VAPA: variants seen among roughly 807,000 people sequenced by gnomAD.
The protein encoded by VAPA is VAMP associated protein A, also known as vesicle-associated membrane protein-associated protein A.
A neutral mutation model predicts 25.6 loss-of-function variants in VAPA; 6 were observed. The ratio of observed to expected loss-of-function variants is 0.23; its 90% CI spans 0.13 to 0.46. The LOEUF (loss-of-function observed/expected upper bound fraction) is 0.46. Among genes scored for constraint, VAPA ranks in the 20% least tolerant of loss-of-function variants. The pLI, the probability that VAPA is intolerant of heterozygous loss-of-function variation, is 0.99. For missense variants in VAPA, 244 were observed against 302.1 expected, an observed-to-expected ratio of 0.81 and a Z score of 1.43; for synonymous variants, 112 against 106.2, an observed-to-expected ratio of 1.05 and a Z score of -0.34.
At chr18:9,921,604 C>T (rs1482173381) in intron 1 of VAPA, among the ~76,000 whole-genome samples, 2 of 152,150 alleles carry the variant, frequency 1.3e-5, no homozygotes, top group East Asian at 3.8e-4. Context: ...TATGCATCAT[C>T]TCAACATAGT....
intron 4 of VAPA, chr18:9,949,649 T>C (rs537946735): frequency 6.6e-6 from 1 of 152,362 alleles, no homozygotes; most frequent in Admixed American, 6.5e-5. Context: ...CTAATACTGC[T>C]ACGATGTGTG....
At chr18:9,952,269 G>A (rs753736611) in intron 5 of VAPA, among the ~76,000 whole-genome samples, 2 of 152,066 alleles carry the variant, frequency 1.3e-5, no homozygotes, top group Non-Finnish European at 2.9e-5. Flanking sequence ...TGCTGGAAAA[G>A]TAAAACAAAA....
chr18:9,921,411 T>C (rs1276127057), intron 1 of VAPA, among the ~76,000 whole-genome samples: 1 of 152,140 alleles, frequency 6.6e-6, no homozygotes, highest in African/African-American at 2.4e-5. Flanking sequence ...TATATGACAA[T>C]TGAGTACAAA....
At chr18:9,950,750 C>T (rs2069481732) in intron 5 of VAPA, 182 bp downstream of exon 5, 4 of 583,172 alleles carry the variant, frequency 6.9e-6, no homozygotes, top group Non-Finnish European at 1.2e-5. Flanking sequence ...TTTCTCATTG[C>T]TGCAAGTTCC....
rs748368386 is a variant in VAPA, at chr18:9,950,580, T to C, written c.591+12T>C. 6.2e-7 allele frequency: 1 copy of C among 1,606,334 alleles called. No homozygotes were observed. The highest frequency in any genetic ancestry group is 1.1e-5 in the South Asian group (1 of 89,456). On this transcript the variant is annotated intron_variant, in intron 5 of 5. Transcript: ENST00000400000. ...ATCGGCACCTGAGAGTAAGTTCTGT[T>C]GGTTGAAAATAAATTGATTGAAATG...
chr18:9,920,811 C>T (rs978761032), intron 1 of VAPA, among the ~76,000 whole-genome samples: 2 of 152,200 alleles, frequency 1.3e-5, no homozygotes, highest in Non-Finnish European at 2.9e-5. Flanking sequence ...AAACCATTTT[C>T]CCAAACACTC....
rs189523640 is a variant in VAPA at position 9,924,427 on chromosome 18, T to C, written c.80-7383T>C. ...TACATCTTATTGTTCTTTGGAAGTTTAGAGTGGAGGGACATAAAATTGGTA... is the reference window on the plus strand; with the variant it reads ...TACATCTTATTGTTCTTTGGAAGTTCAGAGTGGAGGGACATAAAATTGGTA... On this transcript the variant is annotated intron_variant, in intron 1 of 5. Transcript: ENST00000400000. 2.6e-3 allele frequency among the ~76,000 whole-genome samples: 400 copies of C among 152,336 alleles called. 1 individual carries two copies. Among genetic ancestry groups the C allele is most frequent in the African/African-American group, 9.2e-3 (383 of 41,570 alleles).
intron 5 of VAPA, among the ~76,000 whole-genome samples, chr18:9,953,388 C>T (rs771284613): frequency 5.3e-5 from 8 of 152,210 alleles, no homozygotes; most frequent in Non-Finnish European, 1.2e-4. Context: ...GCTTTGCAGT[C>T]GAGACCTGGT....
At chr18:9,944,419 G>T (rs760151416) in intron 4 of VAPA, among the ~76,000 whole-genome samples, 28 of 152,268 alleles carry the variant, frequency 1.8e-4, no homozygotes, top group Non-Finnish European at 2.6e-4. Context: ...TGGACTTAAT[G>T]GTTATATGAG....
Position 9,947,386 on chromosome 18 carries a change from T to C in VAPA, c.418-3009T>C, listed in dbSNP as rs537307025. Among the ~76,000 whole-genome samples the C allele has an allele frequency of 4.6e-5, 7 of 152,276 alleles. No homozygotes were observed. In the South Asian group the frequency reaches 1.5e-3, roughly 32 times the overall value. ...TGTATTGTGATAAGACCTCACTAGG[T>C]AATAGGAATTTTTCAGTGCCATTAT... On this transcript the variant is annotated intron_variant, in intron 4 of 5. Coordinates refer to ENST00000400000, the MANE Select transcript of VAPA (RefSeq NM_194434.3).
In VAPA at chr18:9,950,412, C is replaced by G; in HGVS notation, c.435C>G (p.Ser145Arg). Residue 145 changes from serine (S) to arginine (R), a missense_variant, in exon 5 of 6, where the codon AGC becomes AGG. This residue lies in a region of VAPA where 145 missense variants were observed against 140.6 expected (regional missense o/e 1.03). Coordinates refer to ENST00000400000, the MANE Select transcript of VAPA (RefSeq NM_194434.3). ...ENDKLNDMEP[S>R]KAVPLNASKQ... The stretch of plus-strand genomic sequence containing the variant: ...TAATGCAGAATGATATGGAACCTAG[C>G]AAAGCTGTTCCACTGAATGCATCTA... The G allele has an allele frequency of 6.2e-7, 1 of 1,613,536 alleles. No homozygotes were observed. The highest frequency in any genetic ancestry group is 8.5e-7 in the Non-Finnish European group (1 of 1,179,864).
intron 4 of VAPA, among the ~76,000 whole-genome samples, chr18:9,940,370 T>A (rs781737276): frequency 6.5e-4 from 99 of 152,056 alleles, no homozygotes; most frequent in Non-Finnish European, 2.2e-4. Flanking sequence ...TCAGGGCCAT[T>A]TCAGTGGGAG....
intron 1 of VAPA, among the ~76,000 whole-genome samples, chr18:9,920,459 T>C (rs1484352910): frequency 1.3e-5 from 2 of 152,158 alleles, no homozygotes; most frequent in African/African-American, 4.8e-5. Context: ...TGCACCACCA[T>C]GCCTGGCTAA....
chr18:9,945,166 A>C (rs1003863378), intron 4 of VAPA: 1 of 1,296,088 alleles, frequency 7.7e-7, no homozygotes, highest in Admixed American at 2.1e-5. Context: ...TATGAAGTAG[A>C]TAGAATTGAA....
At chr18:9,948,363 C>G (rs1158392370) in intron 4 of VAPA, 1 of 151,892 alleles carries the variant, frequency 6.6e-6, no homozygotes, top group Non-Finnish European at 1.5e-5. Flanking sequence ...TTTGGCAAGG[C>G]ATAGAATAGA....
At chr18:9,917,716 T>C (rs188837218) in intron 1 of VAPA, among the ~76,000 whole-genome samples, 3 of 152,226 alleles carry the variant, frequency 2.0e-5, no homozygotes, top group African/African-American at 7.2e-5. Context: ...CCGATAACAA[T>C]AAATCAACAA....
rs2069581083 is a variant in VAPA, at chr18:9,959,178, C to T, written c.*4967C>T. 6.6e-6 allele frequency: 1 copy of T among 152,112 alleles called. No individual in the cohort carries two copies. The highest frequency in any genetic ancestry group is 6.5e-5 in the Admixed American group (1 of 15,270). The allele number at this position is 152,112 out of a possible 1,614,324, so 9.4% of individuals were successfully genotyped here. On this transcript the variant is annotated 3_prime_UTR_variant, in exon 6 of 6. Transcript: ENST00000400000. ...AGATGGTCTGATCCTAGTGATCTAC[C>T]ATATGAAGGACATAGTTTGTGTCCT... is the stretch of plus-strand genomic sequence containing the variant.
chr18:9,933,382 G>C (rs1409073897), intron 2 of VAPA, among the ~76,000 whole-genome samples: 3 of 152,156 alleles, frequency 2.0e-5, no homozygotes, highest in Non-Finnish European at 4.4e-5. Context: ...TTGCGGTAAG[G>C]AGGCCTGGGA....
chr18:9,929,932 A>G (rs1374297875), intron 1 of VAPA, among the ~76,000 whole-genome samples: 5 of 152,146 alleles, frequency 3.3e-5, no homozygotes, highest in African/African-American at 1.2e-4. Flanking sequence ...TAGATAATTT[A>G]TATTTTTATG....
Sources: allele counts gnomAD v4.1 joint callset (sites outside exome capture counted in the v4.1 genomes callset), GRCh38; gene constraint gnomAD v4.1.1; regional missense constraint gnomAD v4.1.1; transcripts MANE v1.5; gene names NCBI Gene and HGNC (gene_info 2026-07-23, HGNC 2026-07-21).